EPS15L1: variants seen among roughly 807,000 people sequenced by gnomAD.
EPS15L1 encodes the protein epidermal growth factor receptor pathway substrate 15 like 1.
A neutral mutation model predicts 117.1 loss-of-function variants in EPS15L1; 43 were observed. The observed-to-expected ratio is 0.37, with a 90% CI of 0.29 to 0.47. The LOEUF is 0.47. Ranked by LOEUF, EPS15L1 falls within the 20% of genes least tolerant of loss-of-function variation. EPS15L1 has a pLI of 0.99. For synonymous variants in EPS15L1, 459 were observed against 470.5 expected (o/e 0.98, Z 0.32); for missense variants, 981 against 1,164.0 (o/e 0.84, Z 2.29).
chr19:16,440,335 A>C (rs1158443950), intron 4 of EPS15L1, among the ~76,000 whole-genome samples: 2 of 152,084 alleles, frequency 1.3e-5, no homozygotes, highest in Non-Finnish European at 2.9e-5. Flanking sequence ...CCAGAGGCTG[A>C]GGCAGGGGAA....
chr19:16,362,095 C>T, intron 22 of EPS15L1, 111 bp from the exon 23 acceptor site: 2 of 1,141,250 alleles, frequency 1.8e-6, no homozygotes, highest in South Asian at 3.4e-5. Flanking sequence ...CTGAGAAAAG[C>T]TTGTAACTTG....
At chr19:16,427,998 C>A (rs868757422) in intron 8 of EPS15L1, among the ~76,000 whole-genome samples, 2 of 137,894 alleles carry the variant, frequency 1.5e-5, no homozygotes, top group African/African-American at 5.4e-5. Context: ...GGCAGGAGAT[C>A]GAGACCATCC....
At chr19:16,445,318 C>A (rs1006893719) in intron 1 of EPS15L1, among the ~76,000 whole-genome samples, 1 of 152,230 alleles carries the variant, frequency 6.6e-6, no homozygotes, top group African/African-American at 2.4e-5. Context: ...AAAAGACCTA[C>A]AGCTGAGGGA....
chr19:16,465,224 C>T (rs1399877200), intron 1 of EPS15L1, among the ~76,000 whole-genome samples: 2 of 152,204 alleles, frequency 1.3e-5, no homozygotes, highest in African/African-American at 2.4e-5. Flanking sequence ...GCCCTCTCCT[C>T]CATACAACCA....
intron 13 of EPS15L1, among the ~76,000 whole-genome samples, chr19:16,407,360 C>G (rs1259118634): frequency 2.0e-5 from 3 of 152,178 alleles, no homozygotes; most frequent in African/African-American, 7.2e-5. Context: ...GGCTGGAGTG[C>G]AGCGGTGCAG....
At chr19:16,413,421 G>A (rs2092726494) in intron 13 of EPS15L1, 1 of 731,374 alleles carries the variant, frequency 1.4e-6, no homozygotes, top group Non-Finnish European at 2.4e-6. Flanking sequence ...CACCTTTGAT[G>A]CCATCTCTAA....
intron 7 of EPS15L1, among the ~76,000 whole-genome samples, chr19:16,429,383 G>A (rs925411551): frequency 1.3e-5 from 2 of 152,172 alleles, no homozygotes; most frequent in Non-Finnish European, 2.9e-5. Context: ...CACACTGCCT[G>A]CCAGGCCAAC....
At position 16,471,784 on chromosome 19, in the gene EPS15L1, G is replaced by A; in HGVS notation, c.33+129C>T. Reference sequence around the variant, plus strand: ...TTCAGGGCCGCCTGCCCACCCGCCCGCCGCAAGCCCTTCAGCACGCGCCGC... The same window carrying A: ...TTCAGGGCCGCCTGCCCACCCGCCCACCGCAAGCCCTTCAGCACGCGCCGC... On this transcript the variant is annotated intron_variant, in intron 1 of 23. Coordinates refer to ENST00000455140, the MANE Select transcript of EPS15L1 (RefSeq NM_001258374.3). This position sits in a 1 kb window ranked among gnomAD's most constrained non-coding sequence, Gnocchi z 4.8. 1.2e-5 allele frequency: 2 copies of A among 173,360 alleles called. No homozygotes were observed. The highest frequency in any genetic ancestry group is 2.0e-4 in the South Asian group (1 of 5,024). 10.7% of individuals were successfully genotyped at this position (173,360 alleles called of 1,614,324 possible).
At chr19:16,425,468 A>G in intron 8 of EPS15L1, 152 bp from the exon 9 acceptor site, 1 of 638,064 alleles carries the variant, frequency 1.6e-6, no homozygotes, top group Non-Finnish European at 2.8e-6. Context: ...ATCATTCCTC[A>G]TGAGTTATCT....
At chr19:16,464,940 G>GGGCA (rs1291958184) in intron 1 of EPS15L1, among the ~76,000 whole-genome samples, 1 of 152,122 alleles carries the variant, frequency 6.6e-6, no homozygotes. Context: ...TTAGCCAGGT[G>GGGCA]TGGTGGCGGG....
rs1384141600 is a variant in EPS15L1 at position 16,392,423 on chromosome 19, G to C, written c.1984C>G (p.Pro662Ala). The C allele has an allele frequency of 1.2e-6, 2 of 1,614,084 alleles. No individual in the cohort carries two copies. Among genetic ancestry groups the C allele is most frequent in the Non-Finnish European group, 1.7e-6 (2 of 1,179,956 alleles). The change falls in exon 19 of 24, where the codon CCT becomes GCT. Residue 662 changes from proline (P) to alanine (A), a missense_variant. Coordinates refer to ENST00000455140, the MANE Select transcript of EPS15L1 (RefSeq NM_001258374.3). The part of the protein sequence containing the change: ...TTSTDPFGGD[P>A]FKESDPFRGS... Reference sequence around the variant, plus strand: ...CGGAATGGGTCACTTTCTTTGAAAGGGTCCCCTCCAAATGGATCTAGAAGG... The same window carrying C: ...CGGAATGGGTCACTTTCTTTGAAAGCGTCCCCTCCAAATGGATCTAGAAGG...
rs2092060137 is a variant in EPS15L1 at position 16,361,954 on chromosome 19, G to A, written c.2411C>T (p.Ser804Phe). ...GKSTPVSQLG[S>F]ADFPEAPDPF... ...ATCGGGGGCCTCGGGAAAGTCTGCG[G>A]AACCAAGCTGGCTTACAGGTGTACT... The change falls in exon 23 of 24, where the codon TCC (serine) becomes TTC (phenylalanine). Residue 804 changes from serine (S) to phenylalanine (F), a missense_variant. This residue lies in a region of EPS15L1 where 819 missense variants were observed against 949.0 expected (regional missense o/e 0.86). Coordinates refer to ENST00000455140, the MANE Select transcript of EPS15L1 (RefSeq NM_001258374.3). The A allele has an allele frequency of 6.2e-7, 1 of 1,613,254 alleles. No homozygotes were observed. Among genetic ancestry groups the A allele is most frequent in the South Asian group, 1.1e-5 (1 of 90,996 alleles).
chr19:16,463,545 T>C (rs2093273343), intron 1 of EPS15L1, among the ~76,000 whole-genome samples: 1 of 152,180 alleles, frequency 6.6e-6, no homozygotes, highest in Non-Finnish European at 1.5e-5. Context: ...CTCAAGAACC[T>C]GCCATAGCTC....
At chr19:16,374,388 G>A (rs1337267986) in intron 22 of EPS15L1, among the ~76,000 whole-genome samples, 1 of 152,164 alleles carries the variant, frequency 6.6e-6, no homozygotes, top group African/African-American at 2.4e-5. Flanking sequence ...ACGAGTAAAG[G>A]AGCCCAGGAC....
At chr19:16,358,393 C>CG (rs1004567923) in intron 23 of EPS15L1, 1 of 152,568 alleles carries the variant, frequency 6.6e-6, no homozygotes, top group Non-Finnish European at 1.5e-5. Context: ...TAGCCCTGGA[C>CG]GGGGCCACCT....
In EPS15L1 at chr19:16,355,673, C is replaced by A. The variant is rs551438167; in HGVS notation, c.*32G>T. On this transcript the variant is annotated 3_prime_UTR_variant, in exon 24 of 24. Coordinates refer to ENST00000455140, the MANE Select transcript of EPS15L1 (RefSeq NM_001258374.3). Reference sequence around the variant, plus strand: ...CACTGCCCCCTCTCTGGAACCCGCCCGTGCCCTGTCCCGCCTACACACGGC... The same window carrying A: ...CACTGCCCCCTCTCTGGAACCCGCCAGTGCCCTGTCCCGCCTACACACGGC... The A allele has an allele frequency of 3.9e-6, 6 of 1,529,712 alleles. No individual in the cohort carries two copies. The African/African-American group carries it at 6.9e-5, about 17-fold the overall frequency. 94.8% of individuals were successfully genotyped at this position (1,529,712 alleles called of 1,614,324 possible). A position where few individuals can be genotyped will look rare whatever the true frequency, so the allele number is the denominator to read the frequency against.
Position 16,418,644 on chromosome 19 carries a change from C to A in EPS15L1, c.951-540G>T, listed in dbSNP as rs1187505052. ...GTTATGAACGGAACGTTTATGTCCC[C>A]CCAGATTCCTATGTCCAAATCCTAT... On this transcript the variant is annotated intron_variant, in intron 10 of 23. Transcript: ENST00000455140. Among the ~76,000 whole-genome samples the A allele has an allele frequency of 3.9e-5, 6 of 152,304 alleles. No homozygotes were observed. The East Asian group carries it at 1.2e-3, about 29-fold the overall frequency.
intron 1 of EPS15L1, among the ~76,000 whole-genome samples, chr19:16,448,578 T>A: frequency 6.9e-6 from 1 of 145,908 alleles, no homozygotes; most frequent in Admixed American, 6.8e-5. Context: ...GCGCGGTGGC[T>A]CACACCTGTA....
At chr19:16,373,974 A>G (rs932045863) in intron 22 of EPS15L1, among the ~76,000 whole-genome samples, 3 of 152,218 alleles carry the variant, frequency 2.0e-5, no homozygotes, top group Admixed American at 2.0e-4. Context: ...TGGGTAAAAG[A>G]ATCAAATGAG....
Sources: allele counts gnomAD v4.1 joint callset (sites outside exome capture counted in the v4.1 genomes callset), GRCh38; gene constraint gnomAD v4.1.1; regional missense constraint gnomAD v4.1.1; non-coding constraint Gnocchi (gnomAD v3.1); transcripts MANE v1.5; gene names NCBI Gene and HGNC (gene_info 2026-07-23, HGNC 2026-07-21).